ADAMTSL2: variants seen among roughly 807,000 people sequenced by gnomAD.
ADAMTSL2 encodes the protein ADAMTS-like protein 2.
A neutral mutation model predicts 117.0 loss-of-function variants in ADAMTSL2; 55 were observed. That is an observed-to-expected ratio of 0.47 (90% CI 0.38 to 0.59). The LOEUF (loss-of-function observed/expected upper bound fraction) is 0.59, where lower values mean the gene tolerates loss of function less well. Among genes scored for constraint, ADAMTSL2 ranks in the 20% least tolerant of loss-of-function variants. The probability of loss-of-function intolerance (pLI) is 0.00; values close to 1 mark genes in which losing one functional copy is unlikely to be tolerated. For missense variants in ADAMTSL2, 1,182 were observed against 1,354.5 expected (o/e 0.87, Z 2.00); for synonymous variants, 572 against 566.4 (o/e 1.01, Z -0.14).
At chr9:133,570,275 T>C in intron 16 of ADAMTSL2, 56 bp from the exon 17 acceptor site, 1 of 1,525,898 alleles carries the variant, frequency 6.6e-7, no homozygotes, top group Non-Finnish European at 8.8e-7. Context: ...GTGGGCCCTG[T>C]GTGTAGGGTC....
At chr9:133,538,322 C>T in intron 3 of ADAMTSL2, 27 bp from the exon 4 acceptor site, 2 of 1,612,588 alleles carry the variant, frequency 1.2e-6, no homozygotes, top group Non-Finnish European at 1.7e-6. Flanking sequence ...CTGCAGCCCT[C>T]ACTCCGAGCC....
intron 7 of ADAMTSL2, 121 bp from the exon 8 acceptor site, chr9:133,544,348 TG>T: frequency 1.2e-6 from 1 of 844,088 alleles, no homozygotes. Flanking sequence ...CAAGCGGGTG[TG>T]GGGGTTGGGC....
At chr9:133,571,204 T>G (rs1420338547) in intron 17 of ADAMTSL2, among the ~76,000 whole-genome samples, 23 of 152,316 alleles carry the variant, frequency 1.5e-4, no homozygotes, top group African/African-American at 5.1e-4. Context: ...AATAGTGCCA[T>G]GAGGAGAGGT....
chr9:133,561,223 G>A lies in ADAMTSL2; in HGVS notation c.1675G>A (p.Gly559Ser), dbSNP rs2131153747. 1.2e-6 allele frequency: 2 copies of A among 1,608,340 alleles called. No homozygotes were observed. The highest frequency in any genetic ancestry group is 2.2e-5 in the East Asian group (1 of 44,738). Reference protein sequence around the residue: ...ARTRPKARKQGVSPADMYRWK... With the variant: ...ARTRPKARKQSVSPADMYRWK... ...GACCAGGCCCAAGGCGCGCAAGCAA[G>A]GCGTGAGTCCCGCGGACATGTACCG... Residue 559 changes from glycine to serine, a missense_variant, in exon 12 of 19, where the codon GGC becomes AGC. By Grantham distance (56) the Gly-to-Ser change is moderately conservative. This residue lies in a region of ADAMTSL2 where 345 missense variants were observed against 325.8 expected (regional missense o/e 1.06). Transcript: ENST00000651351.
intron 9 of ADAMTSL2, among the ~76,000 whole-genome samples, chr9:133,549,733 C>T (rs1345823794): frequency 1.3e-5 from 2 of 152,150 alleles, no homozygotes; most frequent in East Asian, 3.9e-4. Flanking sequence ...GACGGCCACT[C>T]GTTTCCATGC....
intron 9 of ADAMTSL2, among the ~76,000 whole-genome samples, chr9:133,551,589 G>A (rs926921771): frequency 1.2e-4 from 19 of 152,126 alleles, no homozygotes; most frequent in Admixed American, 1.1e-3. Flanking sequence ...CAAGTGATGT[G>A]TATTTATTTA....
rs552420818 is a variant in ADAMTSL2 at position 133,536,545 on chromosome 9, G to A, written c.-150-18G>A. 6.5e-6 allele frequency: 10 copies of A among 1,546,712 alleles called. No homozygotes were observed. In the South Asian group the frequency reaches 9.5e-5, roughly 15 times the overall value. Reference sequence around the variant, plus strand: ...TGCTAAGCCTAGACTGAGGCGGGGGGTTCATCCTTCCCAACAGGGTCTGCC... The same window carrying A: ...TGCTAAGCCTAGACTGAGGCGGGGGATTCATCCTTCCCAACAGGGTCTGCC... On this transcript the variant is annotated intron_variant, in intron 1 of 18. Transcript: ENST00000651351.
In ADAMTSL2 at chr9:133,534,862, C is replaced by T; in HGVS notation, c.-206C>T. Reference sequence around the variant, plus strand: ...CGCACAGCGCACCTGGCGCCGTCTGCCCTCCGCAGCGCTCGCCCCTTTCTC... The same window carrying T: ...CGCACAGCGCACCTGGCGCCGTCTGTCCTCCGCAGCGCTCGCCCCTTTCTC... On this transcript the variant is annotated 5_prime_UTR_variant, in exon 1 of 19. Coordinates refer to ENST00000651351, the MANE Select transcript of ADAMTSL2 (RefSeq NM_014694.4). 4 of 1,488,940 alleles carry T rather than the reference C, an allele frequency of 2.7e-6. No homozygotes were observed. The highest frequency in any genetic ancestry group is 3.6e-6 in the Non-Finnish European group (4 of 1,114,792). 92.2% of individuals were successfully genotyped at this position (1,488,940 alleles called of 1,614,324 possible).
chr9:133,555,568 C>T lies in ADAMTSL2; in HGVS notation c.1287C>T (p.Val429=), dbSNP rs1830585690. The T allele has an allele frequency of 3.1e-6, 5 of 1,613,066 alleles. No individual in the cohort carries two copies. The highest frequency in any genetic ancestry group is 4.2e-6 in the Non-Finnish European group (5 of 1,180,032). The change falls in exon 11 of 19, where the codon GTC becomes GTT. Residue 429 remains valine (V), a synonymous_variant. Coordinates refer to ENST00000651351, the MANE Select transcript of ADAMTSL2 (RefSeq NM_014694.4). ...CTGTCTCCTCTCCAGACCGCAACGTCACGGGGACTCCTCTCACCGGGGACA... is the reference window on the plus strand; with the variant it reads ...CTGTCTCCTCTCCAGACCGCAACGTTACGGGGACTCCTCTCACCGGGGACA... ...PRGKGFRDRN[V]TGTPLTGDKD...
Position 133,555,628 on chromosome 9 carries a change from C to A in ADAMTSL2, c.1347C>A (p.Ser449=), listed in dbSNP as rs2131141278. 1 of 1,613,524 alleles carries A rather than the reference C, an allele frequency of 6.2e-7. No individual in the cohort carries two copies. The highest frequency in any genetic ancestry group is 2.2e-5 in the East Asian group (1 of 44,882). ...DDEEVDTHFA[S]QEFFSANAIS... ...AAGAGGTTGACACCCACTTCGCCTC[C>A]CAGGAGTTCTTCTCGGCTAACGCCA... The change falls in exon 11 of 19, where the codon TCC becomes TCA. Residue 449 remains serine (S), a synonymous_variant. Transcript: ENST00000651351.
In ADAMTSL2 at chr9:133,539,798, C is replaced by G; in HGVS notation, c.337C>G (p.Arg113Gly). The G allele has an allele frequency of 1.3e-6, 2 of 1,538,562 alleles. No individual in the cohort carries two copies. The highest frequency in any genetic ancestry group is 1.8e-6 in the Non-Finnish European group (2 of 1,142,238). Reference protein sequence around the residue: ...QECPPDGRSFREEQCVSFNSH... With the variant: ...QECPPDGRSFGEEQCVSFNSH... The stretch of plus-strand genomic sequence containing the variant: ...GTGTCCGCCGGACGGGAGGAGCTTC[C>G]GCGAGGAGCAGTGCGTCTCCTTCAA... The change falls in exon 5 of 19, where the codon CGC becomes GGC. Residue 113 changes from arginine to glycine, a missense_variant. Transcript: ENST00000651351.
At chr9:133,574,655 C>G in intron 18 of ADAMTSL2, 91 bp from the exon 19 acceptor site, 1 of 1,075,392 alleles carries the variant, frequency 9.3e-7, no homozygotes, top group African/African-American at 1.5e-5. Context: ...GGCCCACTGC[C>G]CCTGGAAAAC....
At chr9:133,535,744 C>T (rs1830035748) in intron 1 of ADAMTSL2, among the ~76,000 whole-genome samples, 1 of 152,154 alleles carries the variant, frequency 6.6e-6, no homozygotes, top group African/African-American at 2.4e-5. Flanking sequence ...TCTGAAATCC[C>T]TTCTCTAACT....
intron 9 of ADAMTSL2, 127 bp downstream of exon 9, chr9:133,547,340 TC>T: frequency 1.1e-6 from 1 of 898,776 alleles, no homozygotes; most frequent in Non-Finnish European, 1.7e-6. Context: ...CCCGGCAGCC[TC>T]ACCACTCTGC....
chr9:133,538,559 C>G (rs2131093462), intron 4 of ADAMTSL2, 135 bp downstream of exon 4: 1 of 1,059,568 alleles, frequency 9.4e-7, no homozygotes, highest in Non-Finnish European at 1.4e-6. Context: ...AGCCCAGGAG[C>G]AGGGTTGAGA....
chr9:133,541,398 C>T (rs1830221224), intron 7 of ADAMTSL2, among the ~76,000 whole-genome samples: 1 of 151,858 alleles, frequency 6.6e-6, no homozygotes, highest in Non-Finnish European at 1.5e-5. Flanking sequence ...GAGCGATTCT[C>T]ATTCCTCAGC....
At chr9:133,539,067 G>A (rs1830126756) in intron 4 of ADAMTSL2, among the ~76,000 whole-genome samples, 1 of 152,210 alleles carries the variant, frequency 6.6e-6, no homozygotes, top group South Asian at 2.1e-4. Context: ...GCAGCTGGGG[G>A]TCTCTGTGTC....
chr9:133,540,312 G>A (rs1304925624), intron 5 of ADAMTSL2, among the ~76,000 whole-genome samples: 1 of 152,222 alleles, frequency 6.6e-6, no homozygotes, highest in African/African-American at 2.4e-5. Context: ...CAGCACAGGG[G>A]TGTCGAGTTG....
rs187182154 is a variant in ADAMTSL2 at position 133,546,375 on chromosome 9, G to T, written c.764-663G>T. Among the ~76,000 whole-genome samples the T allele has an allele frequency of 2.9e-3, 376 of 130,838 alleles. 3 individuals carry two copies. The highest frequency in any genetic ancestry group is 7.6e-3 in the Admixed American group (88 of 11,564). 85.8% of individuals were successfully genotyped at this position (130,838 alleles called of 152,430 possible). ...AACTGAGATTGCACCAGGCCACCCT[G>T]GCCTGATTGGGCACCCAGGAAGAGG... On this transcript the variant is annotated intron_variant, in intron 8 of 18. Coordinates refer to ENST00000651351, the MANE Select transcript of ADAMTSL2 (RefSeq NM_014694.4).
Sources: allele counts gnomAD v4.1 joint callset (sites outside exome capture counted in the v4.1 genomes callset), GRCh38; gene constraint gnomAD v4.1.1; regional missense constraint gnomAD v4.1.1; transcripts MANE v1.5; gene names NCBI Gene and HGNC (gene_info 2026-07-23, HGNC 2026-07-21).